The following SMAD2 variants were observed in gnomAD, a reference collection of about 807,000 sequenced individuals.
SMAD2 encodes the protein MAD homolog 2.
In SMAD2, 8 loss-of-function variants were observed where a neutral mutation model predicts 64.4. The ratio of observed to expected loss-of-function variants is 0.12; its 90% confidence interval spans 0.07 to 0.22. The LOEUF is 0.22. SMAD2 is among the 10% of genes least tolerant of loss of function. SMAD2 has a pLI of 1.00. For synonymous variants in SMAD2, 203 were observed against 195.8 expected (o/e 1.04, Z -0.31); for missense variants, 289 against 561.2 (o/e 0.51, Z 4.90).
At chr18:47,874,295 A>G (rs2032129676) in intron 2 of SMAD2, among the ~76,000 whole-genome samples, 1 of 152,208 alleles carries the variant, frequency 6.6e-6, no homozygotes, top group Admixed American at 6.5e-5. Flanking sequence ...ATTCTGATCA[A>G]GAGAAGCTGA....
intron 8 of SMAD2, among the ~76,000 whole-genome samples, chr18:47,846,420 A>C (rs887050572): frequency 6.6e-6 from 1 of 152,168 alleles, no homozygotes; most frequent in African/African-American, 2.4e-5. Flanking sequence ...CATGACACCT[A>C]AGAGTCTCAG....
intron 1 of SMAD2, among the ~76,000 whole-genome samples, chr18:47,906,233 C>T (rs1568104023): frequency 6.6e-6 from 1 of 151,880 alleles, no homozygotes; most frequent in Non-Finnish European, 1.5e-5. Flanking sequence ...CAACATGACA[C>T]CCCCAAAAAA....
chr18:47,873,924 G>A (rs1185738191), intron 2 of SMAD2, among the ~76,000 whole-genome samples: 1 of 152,150 alleles, frequency 6.6e-6, no homozygotes, highest in Non-Finnish European at 1.5e-5. Flanking sequence ...ATTTGGGGCT[G>A]CCAGAGAGTT....
intron 1 of SMAD2, chr18:47,920,149 A>G (rs1858962644): frequency 1.3e-5 from 2 of 151,658 alleles, no homozygotes; most frequent in Non-Finnish European, 2.9e-5. Context: ...TGGGTTGCAG[A>G]CTGCCGCTTT....
chr18:47,911,463 C>T (rs1281268867), intron 1 of SMAD2, among the ~76,000 whole-genome samples: 1 of 152,150 alleles, frequency 6.6e-6, no homozygotes, highest in Non-Finnish European at 1.5e-5. Context: ...AGACTGGCCC[C>T]AAGGCCTCCC....
chr18:47,869,085 A>T (rs2031771697), intron 4 of SMAD2, among the ~76,000 whole-genome samples, 158 bp downstream of exon 4: 1 of 152,186 alleles, frequency 6.6e-6, no homozygotes, highest in African/African-American at 2.4e-5. Context: ...AAAATTTTTA[A>T]AAATAAAAAA....
Position 47,828,841 on chromosome 18 carries a change from C to G in SMAD2, c.*12986G>C, listed in dbSNP as rs1190971842. The G allele has an allele frequency of 2.5e-5, 4 of 158,306 alleles. No individual in the cohort carries two copies. The highest frequency in any genetic ancestry group is 1.0e-4 in the African/African-American group (4 of 39,510). 9.8% of individuals were successfully genotyped at this position (158,306 alleles called of 1,614,324 possible). Reference sequence around the variant, plus strand: ...CCTAGGAAAACCAGAGACCCTTGTTCACATGTTTATCTGCTGACCTTCCCT... The same window carrying G: ...CCTAGGAAAACCAGAGACCCTTGTTGACATGTTTATCTGCTGACCTTCCCT... On this transcript the variant is annotated 3_prime_UTR_variant, in exon 11 of 11. Transcript: ENST00000262160.
intron 7 of SMAD2, among the ~76,000 whole-genome samples, chr18:47,850,239 T>TAGTATA (rs1568039903): frequency 1.6e-5 from 1 of 62,568 alleles, no homozygotes; most frequent in South Asian, 4.2e-4. Flanking sequence ...ATATTATATA[T>TAGTATA]TATATATTAT....
intron 8 of SMAD2, among the ~76,000 whole-genome samples, chr18:47,846,609 T>C (rs1914513935): frequency 6.6e-6 from 1 of 152,136 alleles, no homozygotes; most frequent in Non-Finnish European, 1.5e-5. Flanking sequence ...CAAGAGACAT[T>C]CTCCATTGCT....
At chr18:47,926,509 A>G (rs2034772444) in intron 1 of SMAD2, among the ~76,000 whole-genome samples, 2 of 152,002 alleles carry the variant, frequency 1.3e-5, no homozygotes, top group South Asian at 4.2e-4. Context: ...CCTACTCCCC[A>G]GCCCCCACCA....
intron 2 of SMAD2, among the ~76,000 whole-genome samples, chr18:47,877,514 T>C (rs1358201911): frequency 6.6e-6 from 1 of 152,182 alleles, no homozygotes; most frequent in Admixed American, 6.6e-5. Context: ...TGTGGCTGTA[T>C]ATTTTATCTT....
chr18:47,878,176 A>G (rs566171845), intron 2 of SMAD2: 2 of 152,310 alleles, frequency 1.3e-5, no homozygotes, highest in East Asian at 3.9e-4. Context: ...TCACCACACA[A>G]TGGTGTGGTA....
In SMAD2 at chr18:47,814,791, A is replaced by G. The variant is rs918650867; in HGVS notation, c.*27036T>C. 4 of 152,270 alleles carry G rather than the reference A, an allele frequency of 2.6e-5. No homozygotes were observed. Among genetic ancestry groups the G allele is most frequent in the African/African-American group, 9.6e-5 (4 of 41,458 alleles). The allele number at this position is 152,270 out of a possible 1,614,324, so 9.4% of individuals were successfully genotyped here. ...AATGTTGGCTTCCCAAAGCTTGAGC[A>G]AGATGTTCAGTACATCCCAAAGTTC... On this transcript the variant is annotated 3_prime_UTR_variant, in exon 11 of 11. Coordinates refer to ENST00000262160, the MANE Select transcript of SMAD2 (RefSeq NM_005901.6).
rs1248164617 is a variant in SMAD2 at position 47,815,211 on chromosome 18, G to A, written c.*26616C>T. ...AAGCCTGAGATAGGCTATTTGAATCGAAAGAGAACGTTATCTTTGATTGGC... is the reference window on the plus strand; with the variant it reads ...AAGCCTGAGATAGGCTATTTGAATCAAAAGAGAACGTTATCTTTGATTGGC... On this transcript the variant is annotated 3_prime_UTR_variant, in exon 11 of 11. Transcript: ENST00000262160. 1.3e-5 allele frequency: 2 copies of A among 152,214 alleles called. No homozygotes were observed. Among genetic ancestry groups the A allele is most frequent in the African/African-American group, 2.4e-5 (1 of 41,460 alleles). The allele number at this position is 152,214 out of a possible 1,614,324, so 9.4% of individuals were successfully genotyped here. A position where few individuals can be genotyped will look rare whatever the true frequency, so the allele number is the denominator to read the frequency against.
intron 7 of SMAD2, among the ~76,000 whole-genome samples, chr18:47,850,127 T>C (rs1914959987): frequency 7.3e-6 from 1 of 136,148 alleles, no homozygotes; most frequent in South Asian, 2.2e-4. Flanking sequence ...GAACTCATGG[T>C]TATGAAGGGA....
At chr18:47,899,406 A>C (rs565251417) in intron 1 of SMAD2, among the ~76,000 whole-genome samples, 33 of 152,290 alleles carry the variant, frequency 2.2e-4, no homozygotes, top group African/African-American at 7.7e-4. Flanking sequence ...AGTGAAAAAA[A>C]AATTCTAAGA....
At chr18:47,913,657 T>C (rs764274155) in intron 1 of SMAD2, among the ~76,000 whole-genome samples, 2 of 152,188 alleles carry the variant, frequency 1.3e-5, no homozygotes, top group Non-Finnish European at 2.9e-5. Context: ...ATAGACTGAA[T>C]GTAGGCTGAC....
intron 1 of SMAD2, among the ~76,000 whole-genome samples, chr18:47,902,107 C>T (rs553369601): frequency 1.3e-5 from 2 of 152,204 alleles, no homozygotes; most frequent in South Asian, 2.1e-4. Flanking sequence ...ATACTGAGGG[C>T]GTTCTCTGTG....
At chr18:47,927,891 T>G (rs1258867613) in intron 1 of SMAD2, among the ~76,000 whole-genome samples, 2 of 152,208 alleles carry the variant, frequency 1.3e-5, no homozygotes, top group African/African-American at 4.8e-5. Context: ...AAGAGTGAAC[T>G]CCGTCTCAAA....
Sources: gnomAD v4.1 joint callset for allele counts (sites outside exome capture counted in the v4.1 genomes callset) on GRCh38, gnomAD v4.1.1 for gene constraint, MANE v1.5 for transcripts, NCBI Gene and HGNC (gene_info 2026-07-23, HGNC 2026-07-21) for gene names.